Variants in WASF3 observed in about 807,000 individuals in gnomAD.
WASF3 encodes the protein WASP family member 3, also known as actin-binding protein WASF3.
WASF3 carries 11 observed loss-of-function variants against 46.6 expected under a neutral mutation model. The ratio of observed to expected loss-of-function variants is 0.24; its 90% CI spans 0.15 to 0.39. The LOEUF is 0.39. Ranked by LOEUF, WASF3 falls within the 10% of genes least tolerant of loss-of-function variation. The pLI, the probability that WASF3 is intolerant of heterozygous loss-of-function variation, is 1.00. For synonymous variants in WASF3, 242 were observed against 259.7 expected, an observed-to-expected ratio of 0.93 and a Z score of 0.65; for missense variants, 576 against 669.8, an observed-to-expected ratio of 0.86 and a Z score of 1.55.
At chr13:26,638,174 T>G (rs946711655) in intron 2 of WASF3, 1 of 152,328 alleles carries the variant, frequency 6.6e-6, no homozygotes, top group African/African-American at 2.4e-5. Context: ...CATCCTGATT[T>G]CTTGCTGCAG....
At chr13:26,652,022 G>A (rs1882328518) in intron 3 of WASF3, among the ~76,000 whole-genome samples, 1 of 152,120 alleles carries the variant, frequency 6.6e-6, no homozygotes, top group African/African-American at 2.4e-5. Context: ...AGGAACAGAA[G>A]GGCCAAATGG....
At chr13:26,657,303 T>G (rs1566065364) in intron 3 of WASF3, among the ~76,000 whole-genome samples, 1 of 152,254 alleles carries the variant, frequency 6.6e-6, no homozygotes, top group Non-Finnish European at 1.5e-5. Context: ...AGATAATGTC[T>G]AAGGATTTTG....
intron 3 of WASF3, among the ~76,000 whole-genome samples, chr13:26,651,759 A>C (rs560280940): frequency 2.8e-4 from 42 of 152,346 alleles, no homozygotes; most frequent in Admixed American, 3.3e-4. Flanking sequence ...TAACTGTTTA[A>C]AATTTATGGC....
chr13:26,673,153 C>T (rs992552069), intron 6 of WASF3, among the ~76,000 whole-genome samples: 14 of 152,142 alleles, frequency 9.2e-5, no homozygotes, highest in African/African-American at 3.4e-4. Context: ...TGGGGCTTAC[C>T]TGCCTTTAAA....
intron 2 of WASF3, among the ~76,000 whole-genome samples, chr13:26,618,379 T>G (rs569493287): frequency 1.6e-4 from 25 of 152,246 alleles, no homozygotes; most frequent in African/African-American, 5.5e-4. Context: ...CTTTTGAGTC[T>G]CAGCTCTGTT....
chr13:26,629,137 G>A (rs1881573042), intron 2 of WASF3, among the ~76,000 whole-genome samples: 1 of 152,204 alleles, frequency 6.6e-6, no homozygotes, highest in African/African-American at 2.4e-5. Context: ...ATGATGTGTG[G>A]GGTCCATCAG....
chr13:26,608,921 C>T (rs1043754076), intron 1 of WASF3, among the ~76,000 whole-genome samples: 31 of 152,118 alleles, frequency 2.0e-4, no homozygotes, highest in African/African-American at 7.2e-4. Flanking sequence ...GATGTGATCT[C>T]ATCGATAGAA....
upstream of WASF3, among the ~76,000 whole-genome samples, chr13:26,554,846 C>T (rs1566032712): frequency 6.6e-6 from 1 of 152,106 alleles, no homozygotes; most frequent in South Asian, 2.1e-4. Context: ...AATAAACATT[C>T]GGGTACAAGT....
Position 26,665,010 on chromosome 13 carries a change from A to C in WASF3, c.134-18A>C. 6.2e-7 allele frequency: 1 copy of C among 1,613,688 alleles called. No individual in the cohort carries two copies. Among genetic ancestry groups the C allele is most frequent in the Non-Finnish European group, 8.5e-7 (1 of 1,179,712 alleles). ...AGCTCCCTAACAGATGGCCTTCTCC[A>C]TTCATTTTATTCTACAGGCAAACAT... On this transcript the variant is annotated intron_variant, in intron 3 of 9. Coordinates refer to ENST00000335327, the MANE Select transcript of WASF3 (RefSeq NM_006646.6).
intron 3 of WASF3, among the ~76,000 whole-genome samples, chr13:26,661,193 T>C (rs1231451313): frequency 1.3e-5 from 2 of 152,332 alleles, no homozygotes; most frequent in East Asian, 1.9e-4. Flanking sequence ...TGTTAACCAC[T>C]GTGTACACAT....
intron 1 of WASF3, among the ~76,000 whole-genome samples, chr13:26,608,333 A>C (rs1056576537): frequency 3.9e-5 from 6 of 152,224 alleles, no homozygotes; most frequent in Non-Finnish European, 5.9e-5. Flanking sequence ...TAAAGTACTC[A>C]AAACTCAGAG....
At chr13:26,652,794 C>CA (rs1264064099) in intron 3 of WASF3, among the ~76,000 whole-genome samples, 1 of 152,098 alleles carries the variant, frequency 6.6e-6, no homozygotes, top group Non-Finnish European at 1.5e-5. Context: ...GTAGTGAACA[C>CA]AAAATGCCAT....
At chr13:26,657,440 C>T (rs1882498947) in intron 3 of WASF3, among the ~76,000 whole-genome samples, 1 of 152,138 alleles carries the variant, frequency 6.6e-6, no homozygotes, top group Non-Finnish European at 1.5e-5. Flanking sequence ...CAGGCAGGGC[C>T]GCCATCACTT....
intron 1 of WASF3, among the ~76,000 whole-genome samples, chr13:26,574,566 G>GT (rs1566039036): frequency 2.0e-5 from 3 of 151,750 alleles, no homozygotes; most frequent in Non-Finnish European, 4.4e-5. Flanking sequence ...TTTATATACA[G>GT]CATAGTCTTT....
chr13:26,629,304 C>T (rs528610197), intron 2 of WASF3, among the ~76,000 whole-genome samples: 123 of 152,300 alleles, frequency 8.1e-4, no homozygotes, highest in Non-Finnish European at 1.4e-3. Flanking sequence ...ACCCACATGG[C>T]CTTTATCCAG....
chr13:26,662,927 C>T (rs530125497), intron 3 of WASF3, among the ~76,000 whole-genome samples: 6 of 152,012 alleles, frequency 3.9e-5, no homozygotes, highest in South Asian at 2.1e-4. Flanking sequence ...CTTGAAATGA[C>T]GAGGAGCAGT....
chr13:26,558,832 T>G (rs962033416), intron 1 of WASF3, among the ~76,000 whole-genome samples: 1 of 152,220 alleles, frequency 6.6e-6, no homozygotes, highest in African/African-American at 2.4e-5. Context: ...CAGAACATGG[T>G]ATTTTAAGAT....
At chr13:26,633,855 C>G (rs1168611248) in intron 2 of WASF3, among the ~76,000 whole-genome samples, 1 of 152,158 alleles carries the variant, frequency 6.6e-6, no homozygotes, top group Non-Finnish European at 1.5e-5. Flanking sequence ...TTCTGAGAGA[C>G]AGTTTCTTGT....
rs1593188396 is a variant in WASF3 at position 26,681,339 on chromosome 13, T to C, written c.983+19T>C. 7.7e-6 allele frequency: 12 copies of C among 1,552,792 alleles called. No homozygotes were observed. The highest frequency in any genetic ancestry group is 1.0e-5 in the Non-Finnish European group (12 of 1,150,440). ...ACTACGGGTAACTCAGCATGCCTTG[T>C]ACCCTAATCCCTCCTGGCCTTGCAT... On this transcript the variant is annotated intron_variant, in intron 8 of 9. Coordinates refer to ENST00000335327, the MANE Select transcript of WASF3 (RefSeq NM_006646.6).
Sources: gnomAD v4.1 joint callset for allele counts (sites outside exome capture counted in the v4.1 genomes callset) on GRCh38, gnomAD v4.1.1 for gene constraint, MANE v1.5 for transcripts, NCBI Gene and HGNC (gene_info 2026-07-23, HGNC 2026-07-21) for gene names.